PDE4D: variants seen among roughly 807,000 people sequenced by gnomAD.
PDE4D encodes the protein phosphodiesterase 4D.
A neutral mutation model predicts 87.4 loss-of-function variants in PDE4D; 24 were observed. That is an observed-to-expected ratio of 0.27 (90% CI 0.20 to 0.39). The LOEUF (loss-of-function observed/expected upper bound fraction) is 0.39, where lower values mean the gene tolerates loss of function less well. Among genes scored for constraint, PDE4D ranks in the 10% least tolerant of loss-of-function variants. The pLI, the probability that PDE4D is intolerant of heterozygous loss-of-function variation, is 1.00. For missense variants in PDE4D, 714 were observed against 1,041.0 expected, an observed-to-expected ratio of 0.69 and a Z score of 4.32; for synonymous variants, 384 against 383.2, an observed-to-expected ratio of 1.00 and a Z score of -0.02.
intron 3 of PDE4D, among the ~76,000 whole-genome samples, chr5:59,902,022 C>G (rs1388374170): frequency 2.0e-5 from 3 of 150,770 alleles, no homozygotes; most frequent in African/African-American, 7.3e-5. Flanking sequence ...TACACTATAA[C>G]ACAAGCTAGA....
intron 5 of PDE4D, among the ~76,000 whole-genome samples, chr5:59,123,190 G>A (rs956089051): frequency 1.1e-4 from 16 of 152,124 alleles, no homozygotes; most frequent in East Asian, 3.9e-4. Flanking sequence ...GAGAATTCTC[G>A]GGTCTATGTG....
At chr5:59,766,680 C>A (rs2152583813) in intron 1 of PDE4D, among the ~76,000 whole-genome samples, 1 of 152,348 alleles carries the variant, frequency 6.6e-6, no homozygotes, top group East Asian at 1.9e-4. Context: ...GAACTCATGC[C>A]AGCTCTCCTG....
chr5:60,004,752 A>G (rs562418415), intron 2 of PDE4D, among the ~76,000 whole-genome samples: 1 of 152,306 alleles, frequency 6.6e-6, no homozygotes, highest in African/African-American at 2.4e-5. Context: ...AGGGAAATGT[A>G]CATCAAAACC....
Position 60,450,129 on chromosome 5 carries a change from ATT to A in PDE4D, c.-90+37811_-90+37812del, listed in dbSNP as rs1027261600. On this transcript the variant is annotated intron_variant, in intron 1 of 16. Coordinates refer to the PDE4D transcript ENST00000502484. Reference sequence around the variant, plus strand: ...TCAGAAGTTCACATACCATAATTTTATTGTCATTTTTATGAGAAAGAGACAAA... The same window carrying A: ...TCAGAAGTTCACATACCATAATTTTAGTCATTTTTATGAGAAAGAGACAAA... 9.7e-4 allele frequency among the ~76,000 whole-genome samples: 147 copies of A among 151,864 alleles called. 2 individuals are homozygous for A. The highest frequency in any genetic ancestry group is 1.0e-4 in the Non-Finnish European group (7 of 67,904).
At chr5:59,830,769 T>C (rs1284799993) in intron 1 of PDE4D, among the ~76,000 whole-genome samples, 3 of 152,098 alleles carry the variant, frequency 2.0e-5, no homozygotes, top group African/African-American at 7.2e-5. Flanking sequence ...AATAGGAAAG[T>C]ATTGCAAAAC....
intron 1 of PDE4D, among the ~76,000 whole-genome samples, chr5:59,813,187 C>A (rs1282840456): frequency 6.6e-6 from 1 of 152,146 alleles, no homozygotes; most frequent in Non-Finnish European, 1.5e-5. Context: ...AACTCCCTTA[C>A]AACAATCAGG....
intron 1 of PDE4D, among the ~76,000 whole-genome samples, chr5:59,349,000 G>A (rs1203193621): frequency 6.6e-6 from 1 of 152,110 alleles, no homozygotes; most frequent in East Asian, 1.9e-4. Flanking sequence ...AGGATCCCTT[G>A]AGCCTAGGAG....
At chr5:60,363,552 T>C (rs902384623) in intron 1 of PDE4D, among the ~76,000 whole-genome samples, 1 of 152,154 alleles carries the variant, frequency 6.6e-6, no homozygotes. Flanking sequence ...ACAGAGAAGG[T>C]ACTGCTTTCA....
chr5:60,006,155 G>A (rs574780976), intron 2 of PDE4D, among the ~76,000 whole-genome samples: 2 of 151,896 alleles, frequency 1.3e-5, no homozygotes, highest in Admixed American at 6.6e-5. Flanking sequence ...GGAAATATGG[G>A]TAAAGGTACA....
intron 2 of PDE4D, among the ~76,000 whole-genome samples, chr5:60,139,253 A>G (rs1780315244): frequency 1.3e-5 from 2 of 152,158 alleles, no homozygotes; most frequent in Non-Finnish European, 2.9e-5. Context: ...GCTTAGGTTC[A>G]TTACATGAAG....
At chr5:59,768,443 G>C in intron 1 of PDE4D, 1 of 1,598,388 alleles carries the variant, frequency 6.3e-7, no homozygotes, top group Middle Eastern at 1.7e-4. Flanking sequence ...TTCAGCCACG[G>C]GTTTGGACAA....
At chr5:59,046,820 T>A (rs1332980659) in intron 5 of PDE4D, among the ~76,000 whole-genome samples, 1 of 152,112 alleles carries the variant, frequency 6.6e-6, no homozygotes, top group Admixed American at 6.5e-5. Context: ...GTCCAAAAAA[T>A]TGGAGTTTGA....
In PDE4D at chr5:59,470,062, C is replaced by T. The variant is rs545904779; in HGVS notation, c.456-254094G>A. ...TTGGAATTTCCATTTTTAATAAGCA[C>T]CCCTGGTAAATTTTATGTGGTTAGC... On this transcript the variant is annotated intron_variant, in intron 1 of 14. Transcript: ENST00000340635. Among the ~76,000 whole-genome samples the T allele has an allele frequency of 2.1e-4, 32 of 152,060 alleles. No individual in the cohort carries two copies. In the South Asian group the frequency reaches 6.3e-3, roughly 30 times the overall value.
chr5:59,807,324 T>C (rs1340847417), intron 1 of PDE4D, among the ~76,000 whole-genome samples: 1 of 152,208 alleles, frequency 6.6e-6, no homozygotes, highest in East Asian at 1.9e-4. Flanking sequence ...GACCGTGACC[T>C]GGGAGCTCAT....
At chr5:60,245,437 T>G (rs906225265) in intron 1 of PDE4D, among the ~76,000 whole-genome samples, 2 of 151,910 alleles carry the variant, frequency 1.3e-5, no homozygotes, top group African/African-American at 4.8e-5. Flanking sequence ...CCTAGGTATA[T>G]ACCCAAAAGA....
intron 1 of PDE4D, among the ~76,000 whole-genome samples, chr5:60,245,406 A>G (rs567507791): frequency 6.6e-6 from 1 of 152,066 alleles, no homozygotes; most frequent in African/African-American, 2.4e-5. Context: ...TAGCACTACC[A>G]TATGACCCAG....
At chr5:60,282,298 TA>T (rs990482211) in intron 1 of PDE4D, among the ~76,000 whole-genome samples, 2 of 148,080 alleles carry the variant, frequency 1.4e-5, no homozygotes, top group Non-Finnish European at 3.0e-5. Flanking sequence ...GATTATACGG[TA>T]AAAAAAAATC....
chr5:60,052,971 A>G (rs976738043), intron 2 of PDE4D, among the ~76,000 whole-genome samples: 2 of 152,130 alleles, frequency 1.3e-5, no homozygotes, highest in African/African-American at 2.4e-5. Context: ...ACCTAGGAAT[A>G]CAACTTACAA....
rs933986230 is a variant in PDE4D, at chr5:60,198,438, C to T, written c.-89-12751G>A. ...TTCCATATTCCAAAGAATTTGGAGT[C>T]AAATTCTGTTTTGGCCATTTTCTAA... is the stretch of plus-strand genomic sequence containing the variant. On this transcript the variant is annotated intron_variant, in intron 1 of 16. Transcript: ENST00000502484. 4.6e-5 allele frequency among the ~76,000 whole-genome samples: 7 copies of T among 151,458 alleles called. 1 individual carries two copies. The highest frequency in any genetic ancestry group is 1.0e-4 in the Non-Finnish European group (7 of 67,712).
Sources: allele counts gnomAD v4.1 joint callset (sites outside exome capture counted in the v4.1 genomes callset), GRCh38; gene constraint gnomAD v4.1.1; transcripts MANE v1.5; gene names NCBI Gene and HGNC (gene_info 2026-07-23, HGNC 2026-07-21).